Variants in TOMM20 observed in about 807,000 individuals in gnomAD.
The protein encoded by TOMM20 is translocase of outer mitochondrial membrane 20.
TOMM20 carries 10 observed loss-of-function variants against 22.1 expected under a neutral mutation model. The ratio of observed to expected loss-of-function variants is 0.45; its 90% CI spans 0.28 to 0.77. The LOEUF is 0.77. Ranked by LOEUF, TOMM20 falls within the 30% of genes least tolerant of loss-of-function variation. TOMM20 has a pLI of 0.13. For synonymous variants in TOMM20, 55 were observed against 61.4 expected, an observed-to-expected ratio of 0.90 and a Z score of 0.49; for missense variants, 121 against 172.2, an observed-to-expected ratio of 0.70 and a Z score of 1.66.
At chr1:235,117,120 G>A (rs969945269) in intron 3 of TOMM20, among the ~76,000 whole-genome samples, 9 of 106,822 alleles carry the variant, frequency 8.4e-5, no homozygotes, top group Non-Finnish European at 1.4e-4. Flanking sequence ...GGGCGACAGA[G>A]CGAGACTCCA....
chr1:235,125,618 A>C (rs1204965273), intron 1 of TOMM20, among the ~76,000 whole-genome samples: 1 of 152,170 alleles, frequency 6.6e-6, no homozygotes, highest in African/African-American at 2.4e-5. Context: ...TGGAAATAAG[A>C]CTAGAAGAAC....
At chr1:235,116,874 GC>G in intron 3 of TOMM20, among the ~76,000 whole-genome samples, 1 of 152,186 alleles carries the variant, frequency 6.6e-6, no homozygotes, top group Non-Finnish European at 1.5e-5. Context: ...GCTGGCTCAA[GC>G]CTGTAATCCC....
intron 1 of TOMM20, 138 bp from the exon 2 acceptor site, chr1:235,122,510 G>T: frequency 1.4e-6 from 1 of 731,224 alleles, no homozygotes; most frequent in Non-Finnish European, 2.2e-6. Context: ...CCTGTGATCT[G>T]TCAAGAGCAT....
In TOMM20 at chr1:235,128,812, C is replaced by G; in HGVS notation, c.-97G>C. ...AGCGGTCGGCGCAGCTCACACCCGACGGCCGCGGGCCAGGAACACAGAAAG... is the reference window on the plus strand; with the variant it reads ...AGCGGTCGGCGCAGCTCACACCCGAGGGCCGCGGGCCAGGAACACAGAAAG... On this transcript the variant is annotated 5_prime_UTR_variant, in exon 1 of 5. Coordinates refer to ENST00000366607, the MANE Select transcript of TOMM20 (RefSeq NM_014765.3). 4 of 1,558,946 alleles carry G rather than the reference C, an allele frequency of 2.6e-6. No individual in the cohort carries two copies. Among genetic ancestry groups the G allele is most frequent in the Non-Finnish European group, 3.5e-6 (4 of 1,154,424 alleles).
chr1:235,124,141 G>A (rs962560893), intron 1 of TOMM20, among the ~76,000 whole-genome samples: 10 of 152,242 alleles, frequency 6.6e-5, no homozygotes, highest in African/African-American at 2.4e-4. Context: ...GAGGTCAGGA[G>A]TTCAAGACCA....
chr1:235,126,342 A>C (rs1661022619), intron 1 of TOMM20, among the ~76,000 whole-genome samples: 1 of 150,360 alleles, frequency 6.7e-6, no homozygotes, highest in South Asian at 2.2e-4. Flanking sequence ...CATGCTGGCC[A>C]GGCTGCTTGA....
At position 235,124,148 on chromosome 1, in the gene TOMM20, A is replaced by C. The variant is rs574165423; in HGVS notation, c.122-1776T>G. The stretch of plus-strand genomic sequence containing the variant: ...GATCACTGGAGGTCAGGAGTTCAAG[A>C]CCAGCCTGGTTGATACGGTGAAACC... On this transcript the variant is annotated intron_variant, in intron 1 of 4. Transcript: ENST00000366607. Among the ~76,000 whole-genome samples, 157 of 152,336 alleles carry C rather than the reference A, an allele frequency of 1.0e-3. 1 individual carries two copies. The highest frequency in any genetic ancestry group is 3.8e-3 in the African/African-American group (156 of 41,582).
chr1:235,113,855 C>T lies in TOMM20; in HGVS notation c.306G>A (p.Gln102=). The change falls in exon 4 of 5, where the codon CAG becomes CAA. Residue 102 remains glutamine (Q), a synonymous_variant. Transcript: ENST00000366607. ...HLTNAIAVCG[Q]PQQLLQVLQQ... The stretch of plus-strand genomic sequence containing the variant: ...GTAAGACCTGCAGTAACTGCTGTGG[C>T]TGTCCACACACAGCAATTGCATTTG... 2 of 1,613,752 alleles carry T rather than the reference C, an allele frequency of 1.2e-6. No individual in the cohort carries two copies. The highest frequency in any genetic ancestry group is 1.7e-6 in the Non-Finnish European group (2 of 1,179,810).
chr1:235,119,771 A>C, intron 3 of TOMM20, 47 bp downstream of exon 3: 1 of 1,286,956 alleles, frequency 7.8e-7, no homozygotes. Context: ...AATTTCTATC[A>C]GTGAGAAAAA....
At chr1:235,114,517 G>C (rs764299304) in intron 3 of TOMM20, among the ~76,000 whole-genome samples, 2 of 149,738 alleles carry the variant, frequency 1.3e-5, no homozygotes, top group Admixed American at 6.7e-5. Flanking sequence ...GCTCACTGCA[G>C]GCTCTGCTCC....
Position 235,109,968 on chromosome 1 carries a change from G to A in TOMM20, c.*2096C>T, listed in dbSNP as rs1361277854. The A allele has an allele frequency of 1.3e-5, 2 of 152,126 alleles. No individual in the cohort carries two copies. The highest frequency in any genetic ancestry group is 2.9e-5 in the Non-Finnish European group (2 of 68,026). 9.4% of individuals were successfully genotyped at this position (152,126 alleles called of 1,614,324 possible). A position where few individuals can be genotyped will look rare whatever the true frequency, so the allele number is the denominator to read the frequency against. ...AAAACTTAAGATGGGGATGAATAGT[G>A]TTTGGCAATTACATTTCTGGGAGAA... On this transcript the variant is annotated 3_prime_UTR_variant, in exon 5 of 5. Transcript: ENST00000366607.
intron 3 of TOMM20, among the ~76,000 whole-genome samples, chr1:235,116,470 C>T (rs564397348): frequency 3.3e-5 from 5 of 151,682 alleles, no homozygotes; most frequent in Admixed American, 1.3e-4. Flanking sequence ...ACCTGGAAGA[C>T]GGAAGTTGCA....
chr1:235,114,445 T>TC (rs1039075331), intron 3 of TOMM20, among the ~76,000 whole-genome samples: 38 of 150,134 alleles, frequency 2.5e-4, no homozygotes, highest in Admixed American at 2.2e-3. Context: ...TTTTCTTTTT[T>TC]TTTTTTTTTT....
rs145614680 is a variant in TOMM20, at chr1:235,126,124, GAC to G, written c.121+2469_121+2470del. 6.0e-3 allele frequency among the ~76,000 whole-genome samples: 898 copies of G among 148,848 alleles called. 7 individuals carry two copies. Among genetic ancestry groups the G allele is most frequent in the African/African-American group, 0.016 (652 of 40,574 alleles). On this transcript the variant is annotated intron_variant, in intron 1 of 4. Coordinates refer to ENST00000366607, the MANE Select transcript of TOMM20 (RefSeq NM_014765.3). ...AGATATAGATATAAATATATATAAA[GAC>G]ACACACACACACACACGTATATTTT...
Position 235,111,679 on chromosome 1 carries a change from T to TA in TOMM20, c.*384dup, listed in dbSNP as rs1183837708. 6.1e-6 allele frequency: 1 copy of TA among 162,928 alleles called. No homozygotes were observed. Among genetic ancestry groups the TA allele is most frequent in the African/African-American group, 2.4e-5 (1 of 41,414 alleles). The allele number at this position is 162,928 out of a possible 1,614,324, so 10.1% of individuals were successfully genotyped here. A position where few individuals can be genotyped will look rare whatever the true frequency, so the allele number is the denominator to read the frequency against. ...CAGATTTACAGCAAAATGTGCCCTCTAAAAAAGTGTACATTCTTCAGTTTC... is the reference window on the plus strand; with the variant it reads ...CAGATTTACAGCAAAATGTGCCCTCTAAAAAAAGTGTACATTCTTCAGTTTC... On this transcript the variant is annotated 3_prime_UTR_variant, in exon 5 of 5. Coordinates refer to ENST00000366607, the MANE Select transcript of TOMM20 (RefSeq NM_014765.3).
Position 235,128,780 on chromosome 1 carries a change from C to A in TOMM20, c.-65G>T, listed in dbSNP as rs747537822. The A allele has an allele frequency of 1.2e-6, 2 of 1,605,860 alleles. No homozygotes were observed. Among genetic ancestry groups the A allele is most frequent in the Non-Finnish European group, 8.5e-7 (1 of 1,176,686 alleles). ...CCGCGAAGGAGCGGTGGGCCACGAA[C>A]CCTCAGAGCGGTCGGCGCAGCTCAC... On this transcript the variant is annotated 5_prime_UTR_variant, in exon 1 of 5. Coordinates refer to ENST00000366607, the MANE Select transcript of TOMM20 (RefSeq NM_014765.3).
At chr1:235,115,504 G>C (rs1292955852) in intron 3 of TOMM20, among the ~76,000 whole-genome samples, 1 of 152,026 alleles carries the variant, frequency 6.6e-6, no homozygotes, top group Non-Finnish European at 1.5e-5. Flanking sequence ...GTGCACACCT[G>C]TAATCCCAGC....
chr1:235,118,855 T>C (rs1389475170), intron 3 of TOMM20, among the ~76,000 whole-genome samples: 1 of 152,212 alleles, frequency 6.6e-6, no homozygotes, highest in East Asian at 1.9e-4. Flanking sequence ...CTTCCCAGTC[T>C]GTTGGCAATT....
At chr1:235,126,106 G>T (rs1207616581) in intron 1 of TOMM20, among the ~76,000 whole-genome samples, 1 of 150,644 alleles carries the variant, frequency 6.6e-6, no homozygotes, top group Non-Finnish European at 1.5e-5. Context: ...GATAGATATA[G>T]ATATAAATAT....
Sources: allele counts gnomAD v4.1 joint callset (sites outside exome capture counted in the v4.1 genomes callset), GRCh38; gene constraint gnomAD v4.1.1; transcripts MANE v1.5; gene names NCBI Gene and HGNC (gene_info 2026-07-23, HGNC 2026-07-21).